The following ELOVL5 variants were observed in gnomAD, a reference collection of about 807,000 sequenced individuals.
ELOVL5 encodes very long chain fatty acid elongase 5.
A neutral mutation model predicts 38.6 loss-of-function variants in ELOVL5; 8 were observed. The observed-to-expected ratio is 0.21, with a 90% CI of 0.12 to 0.37. The LOEUF is 0.37. Among genes scored for constraint, ELOVL5 ranks in the 10% least tolerant of loss-of-function variants. The pLI is 1.00. For missense variants in ELOVL5, 280 were observed against 367.8 expected (o/e 0.76, Z 1.95); for synonymous variants, 127 against 133.7 (o/e 0.95, Z 0.34).
rs139609375 is a variant in ELOVL5 at position 53,287,913 on chromosome 6, G to C, written c.246+3863C>G. On this transcript the variant is annotated intron_variant, in intron 3 of 7. Transcript: ENST00000304434. ...TCGAAGGATCAGTTCGTGAGGCACA[G>C]GCAGATCGACGGGGTTGCTCCCTTT... 1.3e-3 allele frequency: 2,049 copies of C among 1,535,704 alleles called. 35 individuals carry two copies. In the South Asian group the frequency reaches 0.018, roughly 14 times the overall value.
chr6:53,288,938 C>T (rs1020209486), intron 3 of ELOVL5, among the ~76,000 whole-genome samples: 1 of 152,084 alleles, frequency 6.6e-6, no homozygotes, highest in Non-Finnish European at 1.5e-5. Context: ...TGGTGGCATG[C>T]TCCTGTAGTC....
intron 1 of ELOVL5, among the ~76,000 whole-genome samples, chr6:53,312,535 G>A (rs1767885769): frequency 6.6e-6 from 1 of 152,206 alleles, no homozygotes; most frequent in South Asian, 2.1e-4. Context: ...CAGGATGGAA[G>A]AGGATGTGGT....
At chr6:53,327,456 C>A (rs1768597186) in intron 1 of ELOVL5, among the ~76,000 whole-genome samples, 1 of 152,076 alleles carries the variant, frequency 6.6e-6, no homozygotes, top group African/African-American at 2.4e-5. Context: ...TTGTATGATT[C>A]CATTTATAGG....
intron 1 of ELOVL5, among the ~76,000 whole-genome samples, chr6:53,324,688 A>AC (rs1768454436): frequency 7.3e-6 from 1 of 137,732 alleles, no homozygotes; most frequent in Non-Finnish European, 1.6e-5. Context: ...AAAAAAAAAA[A>AC]AAAGGAAAAG....
At chr6:53,314,125 T>C (rs1767945363) in intron 1 of ELOVL5, among the ~76,000 whole-genome samples, 1 of 152,234 alleles carries the variant, frequency 6.6e-6, no homozygotes, top group Non-Finnish European at 1.5e-5. Context: ...AAAGGTGAAA[T>C]ATTGAGAATT....
intron 3 of ELOVL5, among the ~76,000 whole-genome samples, chr6:53,278,575 T>C (rs1766231170): frequency 1.3e-5 from 2 of 152,204 alleles, no homozygotes; most frequent in South Asian, 2.1e-4. Flanking sequence ...AAAACACCTG[T>C]TGTCTTTGGA....
At chr6:53,276,661 T>C (rs953644045) in intron 3 of ELOVL5, among the ~76,000 whole-genome samples, 1 of 152,032 alleles carries the variant, frequency 6.6e-6, no homozygotes, top group African/African-American at 2.4e-5. Flanking sequence ...AGCACCAGAA[T>C]TACCTGAGGG....
intron 1 of ELOVL5, among the ~76,000 whole-genome samples, chr6:53,341,881 A>C (rs1056925762): frequency 2.3e-4 from 35 of 152,178 alleles, no homozygotes; most frequent in Admixed American, 2.2e-3. Context: ...AATACCCTCC[A>C]AAGTAGGCAC....
At chr6:53,346,532 T>C (rs959815346) in intron 1 of ELOVL5, among the ~76,000 whole-genome samples, 9 of 152,082 alleles carry the variant, frequency 5.9e-5, no homozygotes, top group African/African-American at 9.7e-5. Context: ...GAAAGACTTA[T>C]TTACAGGTAA....
chr6:53,320,186 G>A (rs1420005462), intron 1 of ELOVL5, among the ~76,000 whole-genome samples: 3 of 152,024 alleles, frequency 2.0e-5, no homozygotes, highest in East Asian at 2.0e-4. Flanking sequence ...GTGTGGTGGT[G>A]CACACCTGTA....
chr6:53,279,908 C>A (rs1470138588), intron 3 of ELOVL5, among the ~76,000 whole-genome samples: 3 of 152,220 alleles, frequency 2.0e-5, no homozygotes, highest in African/African-American at 7.2e-5. Flanking sequence ...CTCCCTCCAT[C>A]CCCCTCAGAG....
At chr6:53,337,809 G>A (rs1451980907) in intron 1 of ELOVL5, among the ~76,000 whole-genome samples, 2 of 152,204 alleles carry the variant, frequency 1.3e-5, no homozygotes, top group African/African-American at 2.4e-5. Flanking sequence ...GACATGCTAT[G>A]GAAGGCTGGG....
At chr6:53,333,285 A>G (rs1246890841) in intron 1 of ELOVL5, among the ~76,000 whole-genome samples, 2 of 152,184 alleles carry the variant, frequency 1.3e-5, no homozygotes, top group Non-Finnish European at 1.5e-5. Flanking sequence ...CAGAACAGAC[A>G]CTTGCAGATT....
intron 3 of ELOVL5, among the ~76,000 whole-genome samples, chr6:53,284,883 G>A (rs1766503064): frequency 6.6e-6 from 1 of 152,132 alleles, no homozygotes; most frequent in East Asian, 1.9e-4. Flanking sequence ...GAGGTGCCAT[G>A]AACCACACCT....
intron 1 of ELOVL5, among the ~76,000 whole-genome samples, chr6:53,344,649 A>G (rs1769461814): frequency 6.6e-6 from 1 of 152,210 alleles, no homozygotes; most frequent in Non-Finnish European, 1.5e-5. Context: ...AATAATAGAA[A>G]TAAGTCCTTG....
chr6:53,329,908 A>T (rs961452197), intron 1 of ELOVL5, among the ~76,000 whole-genome samples: 1 of 152,248 alleles, frequency 6.6e-6, no homozygotes, highest in African/African-American at 2.4e-5. Flanking sequence ...AACTGCACGT[A>T]GAATTTTCCT....
At chr6:53,272,419 G>C (rs574295627) in intron 6 of ELOVL5, among the ~76,000 whole-genome samples, 3 of 152,276 alleles carry the variant, frequency 2.0e-5, no homozygotes, top group Non-Finnish European at 4.4e-5. Context: ...TTACAGGCGT[G>C]AGCCACTGTG....
At chr6:53,310,321 A>C (rs1256220983) in intron 1 of ELOVL5, among the ~76,000 whole-genome samples, 3 of 152,216 alleles carry the variant, frequency 2.0e-5, no homozygotes, top group Non-Finnish European at 4.4e-5. Flanking sequence ...TCAAAGACTC[A>C]CTAAGGAAAT....
At chr6:53,324,314 T>A (rs1768425348) in intron 1 of ELOVL5, among the ~76,000 whole-genome samples, 1 of 150,818 alleles carries the variant, frequency 6.6e-6, no homozygotes, top group Non-Finnish European at 1.5e-5. Flanking sequence ...GATCTCTATC[T>A]ATGGATATTG....
Sources: gnomAD v4.1 joint callset for allele counts (sites outside exome capture counted in the v4.1 genomes callset) on GRCh38, gnomAD v4.1.1 for gene constraint, MANE v1.5 for transcripts, NCBI Gene and HGNC (gene_info 2026-07-23, HGNC 2026-07-21) for gene names.